The following RPTOR variants were observed in gnomAD, a reference collection of about 807,000 sequenced individuals.
RPTOR encodes regulatory associated protein of MTOR complex 1.
A neutral mutation model predicts 169.9 loss-of-function variants in RPTOR; 21 were observed. That is an observed-to-expected ratio of 0.12 (90% CI 0.09 to 0.18). The LOEUF (loss-of-function observed/expected upper bound fraction) is 0.18. Ranked by LOEUF, RPTOR falls within the 10% of genes least tolerant of loss-of-function variation. The pLI is 1.00. For synonymous variants in RPTOR, 732 were observed against 753.2 expected (o/e 0.97, Z 0.46); for missense variants, 1,133 against 1,855.9 (o/e 0.61, Z 7.16).
At chr17:80,742,039 A>G (rs1039592015) in intron 5 of RPTOR, among the ~76,000 whole-genome samples, 2 of 152,124 alleles carry the variant, frequency 1.3e-5, no homozygotes, top group Admixed American at 1.3e-4. Context: ...GGACCGTTGT[A>G]TTTGTGCACA....
intron 21 of RPTOR, among the ~76,000 whole-genome samples, chr17:80,921,951 C>G (rs2143974585): frequency 6.6e-6 from 1 of 152,320 alleles, no homozygotes; most frequent in East Asian, 1.9e-4. Context: ...TGACCACAGC[C>G]CCTCGGCCAG....
At chr17:80,709,569 C>T (rs764603618) in intron 4 of RPTOR, among the ~76,000 whole-genome samples, 1 of 152,276 alleles carries the variant, frequency 6.6e-6, no homozygotes, top group South Asian at 2.1e-4. Context: ...TTCCCACATT[C>T]GCTGTCCCCT....
intron 7 of RPTOR, among the ~76,000 whole-genome samples, chr17:80,792,765 C>T (rs1036027134): frequency 1.3e-5 from 2 of 152,050 alleles, no homozygotes; most frequent in South Asian, 2.1e-4. Flanking sequence ...TGCAGTTTTG[C>T]GAAGCTGTTC....
At chr17:80,841,431 C>T (rs532972755) in intron 10 of RPTOR, among the ~76,000 whole-genome samples, 2 of 135,266 alleles carry the variant, frequency 1.5e-5, no homozygotes, top group South Asian at 5.1e-4. Flanking sequence ...CACGGCAGCT[C>T]ACACTCACCA....
chr17:80,594,610 C>T (rs968543007), intron 1 of RPTOR, among the ~76,000 whole-genome samples: 2 of 152,196 alleles, frequency 1.3e-5, no homozygotes, highest in Non-Finnish European at 2.9e-5. Flanking sequence ...CATATGTGCT[C>T]TGTGTGTGAA....
intron 1 of RPTOR, among the ~76,000 whole-genome samples, chr17:80,557,589 T>A (rs2084426582): frequency 6.6e-6 from 1 of 152,162 alleles, no homozygotes; most frequent in South Asian, 2.1e-4. Flanking sequence ...ACAATACTTG[T>A]TTCAGGAGAG....
rs191018002 is a variant in RPTOR at position 80,844,165 on chromosome 17, A to C, written c.1213-2308A>C. ...GGCCGCTCTCGAGATGTTTTCCGGA[A>C]TATCATATAAAGTGTTGGCCACTCT... On this transcript the variant is annotated intron_variant, in intron 10 of 33. Transcript: ENST00000306801. This position sits in a 1 kb window ranked among gnomAD's most constrained non-coding sequence, Gnocchi z 4.7. Among the ~76,000 whole-genome samples, 1 of 152,316 alleles carries C rather than the reference A, an allele frequency of 6.6e-6. No individual in the cohort carries two copies. The highest frequency in any genetic ancestry group is 1.5e-5 in the Non-Finnish European group (1 of 68,026).
In RPTOR at chr17:80,677,368, C is replaced by T. The variant is rs2065868261; in HGVS notation, c.349-30473C>T. On this transcript the variant is annotated intron_variant, in intron 3 of 33. Transcript: ENST00000306801. ...TGGCACTTGCTCTCCACTCTGGAGA[C>T]ATTCTAGGTTTCATTTGAGAGGGAT... 2.0e-5 allele frequency among the ~76,000 whole-genome samples: 3 copies of T among 152,200 alleles called. No homozygotes were observed. The South Asian group carries it at 6.2e-4, about 32-fold the overall frequency.
intron 3 of RPTOR, among the ~76,000 whole-genome samples, chr17:80,669,496 T>C (rs531412972): frequency 1.1e-3 from 171 of 152,314 alleles, no homozygotes; most frequent in African/African-American, 4.0e-3. Context: ...GCGATTCTCC[T>C]GCCTCAGCCT....
intron 2 of RPTOR, among the ~76,000 whole-genome samples, chr17:80,627,365 ATTTC>A (rs34811369): frequency 0.18 from 28,120 of 152,070 alleles, 2,965 homozygotes; most frequent in East Asian, 0.28. Flanking sequence ...TTAGCTGTAC[ATTTC>A]TTTAAGTTTT....
intron 5 of RPTOR, among the ~76,000 whole-genome samples, chr17:80,742,943 T>TAC (rs138446030): frequency 0.1 from 15,041 of 150,900 alleles, 788 homozygotes; most frequent in Middle Eastern, 0.15. Context: ...CACTCACCTA[T>TAC]ACACACACAC....
Position 80,730,758 on chromosome 17 carries a change from T to TGTTTGCGG in RPTOR, c.654+53_654+54insTTTGCGGG. ...GTGCTGGGTTTGGTTTTGTTTTCCC[T>TGTTTGCGG]GGGGGTGGGGTTTGGGTGGGGAGGT... On this transcript the variant is annotated intron_variant, in intron 5 of 33. Coordinates refer to ENST00000306801, the MANE Select transcript of RPTOR (RefSeq NM_020761.3). The surrounding 1 kb of genome is among the most constrained non-coding windows in gnomAD (Gnocchi z 4.2). 1 of 467,256 alleles carries TGTTTGCGG rather than the reference T, an allele frequency of 2.1e-6. No individual in the cohort carries two copies. Among genetic ancestry groups the TGTTTGCGG allele is most frequent in the East Asian group, 6.0e-5 (1 of 16,768 alleles). The allele number at this position is 467,256 out of a possible 1,614,324, so 28.9% of individuals were successfully genotyped here.
At chr17:80,942,791 G>A (rs1224176482) in intron 25 of RPTOR, among the ~76,000 whole-genome samples, 1 of 152,262 alleles carries the variant, frequency 6.6e-6, no homozygotes, top group Non-Finnish European at 1.5e-5. Context: ...CGGCTCTTCA[G>A]CCTTCTCCTG....
At chr17:80,570,524 AG>A (rs2064893829) in intron 1 of RPTOR, among the ~76,000 whole-genome samples, 1 of 151,988 alleles carries the variant, frequency 6.6e-6, no homozygotes, top group Non-Finnish European at 1.5e-5. Context: ...GCAATGGTGC[AG>A]TCTCGGCTCA....
At chr17:80,765,923 C>G (rs1184597684) in intron 6 of RPTOR, among the ~76,000 whole-genome samples, 1 of 152,176 alleles carries the variant, frequency 6.6e-6, no homozygotes, top group Non-Finnish European at 1.5e-5. Context: ...AAGATTCTCT[C>G]TCGCACTAAA....
rs2067704032 is a variant in RPTOR at position 80,844,454 on chromosome 17, C to T, written c.1213-2019C>T. Among the ~76,000 whole-genome samples, 1 of 152,208 alleles carries T rather than the reference C, an allele frequency of 6.6e-6. No homozygotes were observed. Among genetic ancestry groups the T allele is most frequent in the South Asian group, 2.1e-4 (1 of 4,832 alleles). On this transcript the variant is annotated intron_variant, in intron 10 of 33. Coordinates refer to ENST00000306801, the MANE Select transcript of RPTOR (RefSeq NM_020761.3). This position sits in a 1 kb window ranked among gnomAD's most constrained non-coding sequence, Gnocchi z 4.7. ...ACTTCTGTTCACAGACTCAAGCCTT[C>T]TCTAACTCAGGAGAATTACGTTCTC...
chr17:80,924,815 G>C (rs141938847), intron 23 of RPTOR, among the ~76,000 whole-genome samples: 15 of 152,322 alleles, frequency 9.8e-5, no homozygotes, highest in Admixed American at 3.3e-4. Context: ...AGCACACACA[G>C]ACTCTGACAG....
intron 7 of RPTOR, among the ~76,000 whole-genome samples, chr17:80,792,505 A>G (rs532011938): frequency 5.9e-5 from 9 of 152,142 alleles, no homozygotes; most frequent in Non-Finnish European, 1.3e-4. Flanking sequence ...GGGAAGCGAC[A>G]CTGGTCCTGA....
chr17:80,789,184 G>A (rs2067022981), intron 6 of RPTOR, among the ~76,000 whole-genome samples: 1 of 151,872 alleles, frequency 6.6e-6, no homozygotes, highest in East Asian at 1.9e-4. Context: ...CCAATATCTG[G>A]CCAACTATGA....
Sources: gnomAD v4.1 joint callset for allele counts (sites outside exome capture counted in the v4.1 genomes callset) on GRCh38, gnomAD v4.1.1 for gene constraint, Gnocchi (gnomAD v3.1) non-coding constraint, MANE v1.5 for transcripts, NCBI Gene and HGNC (gene_info 2026-07-23, HGNC 2026-07-21) for gene names.